Variants in CCDC171 observed in about 807,000 individuals in gnomAD.
CCDC171 encodes coiled-coil domain containing 171.
CCDC171 carries 177 observed loss-of-function variants against 168.2 expected under a neutral mutation model. That is an observed-to-expected ratio of 1.05 (90% CI 0.93 to 1.19). The LOEUF (loss-of-function observed/expected upper bound fraction) is 1.19. Ranked by LOEUF, CCDC171 falls within the 50% of genes most tolerant of loss-of-function variation. CCDC171 has a pLI of 0.00. For missense variants in CCDC171, 1,991 were observed against 1,539.0 expected (o/e 1.29, Z -4.91); for synonymous variants, 687 against 540.8 (o/e 1.27, Z -3.75).
intron 4 of CCDC171, among the ~76,000 whole-genome samples, chr9:15,585,940 C>T (rs1210568294): frequency 6.6e-6 from 1 of 152,148 alleles, no homozygotes; most frequent in African/African-American, 2.4e-5. Flanking sequence ...CGTACCACTG[C>T]ACTCTAGCCT....
At chr9:15,948,609 C>CT (rs1232721864) in intron 25 of CCDC171, among the ~76,000 whole-genome samples, 3 of 152,062 alleles carry the variant, frequency 2.0e-5, no homozygotes, top group Admixed American at 2.0e-4. Flanking sequence ...TGTTTTTTGG[C>CT]TGCATAAATG....
intron 7 of CCDC171, among the ~76,000 whole-genome samples, chr9:15,634,246 T>A (rs4741523): frequency 0.41 from 61,758 of 151,852 alleles, 14,351 homozygotes; most frequent in East Asian, 0.76. Context: ...TTTTAACTTT[T>A]AAAAAAATTA....
chr9:15,819,227 C>G (rs2059673599), intron 21 of CCDC171, among the ~76,000 whole-genome samples: 1 of 117,884 alleles, frequency 8.5e-6, no homozygotes, highest in African/African-American at 3.2e-5. Context: ...TGGTACTAGC[C>G]ACTGCCAAAA....
chr9:15,579,036 C>A lies in CCDC171; in HGVS notation c.352+13C>A, dbSNP rs1211540880. 2.5e-6 allele frequency: 4 copies of A among 1,608,314 alleles called. No individual in the cohort carries two copies. The highest frequency in any genetic ancestry group is 3.4e-6 in the Non-Finnish European group (4 of 1,176,248). ...GAAAAACTCTGTGGTAAGACTGTTT[C>A]TATTTCTTCCCAAGTTTAGGGTTGT... On this transcript the variant is annotated intron_variant, in intron 4 of 25. Coordinates refer to ENST00000380701, the MANE Select transcript of CCDC171 (RefSeq NM_173550.4).
chr9:15,650,248 G>A (rs953052141), intron 7 of CCDC171, among the ~76,000 whole-genome samples: 2 of 152,218 alleles, frequency 1.3e-5, no homozygotes, highest in Non-Finnish European at 1.5e-5. Context: ...GGGGCCTGTC[G>A]TGGGGTGGAG....
intron 21 of CCDC171, among the ~76,000 whole-genome samples, chr9:15,833,554 ATACTT>A (rs2060323095): frequency 6.6e-6 from 1 of 152,214 alleles, no homozygotes; most frequent in Non-Finnish European, 1.5e-5. Context: ...ATATGCCAAA[ATACTT>A]TATTAATACA....
rs546964039 is a variant in CCDC171 at position 15,859,391 on chromosome 9, G to C, written c.3468+10444G>C. 2.0e-5 allele frequency among the ~76,000 whole-genome samples: 3 copies of C among 151,812 alleles called. No homozygotes were observed. In the East Asian group the frequency reaches 5.8e-4, roughly 29 times the overall value. On this transcript the variant is annotated intron_variant, in intron 23 of 25. Coordinates refer to ENST00000380701, the MANE Select transcript of CCDC171 (RefSeq NM_173550.4). ...TGTCTGGCTTTGGTATCAGGAAGAT[G>C]CTGGTCTCATAAAATATATTTCGAA... is the stretch of plus-strand genomic sequence containing the variant.
At position 15,972,374 on chromosome 9, in the gene CCDC171, C is replaced by T. The variant is rs1424097120; in HGVS notation, c.*538C>T. The T allele has an allele frequency of 1.3e-5, 2 of 154,716 alleles. No homozygotes were observed. The highest frequency in any genetic ancestry group is 6.5e-5 in the Admixed American group (1 of 15,490). 9.6% of individuals were successfully genotyped at this position (154,716 alleles called of 1,614,324 possible). On this transcript the variant is annotated 3_prime_UTR_variant, in exon 26 of 26. Coordinates refer to ENST00000380701, the MANE Select transcript of CCDC171 (RefSeq NM_173550.4). Reference sequence around the variant, plus strand: ...AAACAGAAATGATGTGACTGCTTCTCCTCCTGCACAATAATGTCACTCCTG... The same window carrying T: ...AAACAGAAATGATGTGACTGCTTCTTCTCCTGCACAATAATGTCACTCCTG...
At chr9:15,922,184 TC>T in intron 25 of CCDC171, 1 of 402,438 alleles carries the variant, frequency 2.5e-6, no homozygotes, top group Non-Finnish European at 5.2e-6. Flanking sequence ...TGCGAAACAT[TC>T]CCCCAGGTGA....
chr9:16,040,299 C>A (rs1225706639), upstream of CCDC171, among the ~76,000 whole-genome samples: 1 of 152,210 alleles, frequency 6.6e-6, no homozygotes, highest in East Asian at 1.9e-4. Context: ...CCCTCCCACA[C>A]CTCCCCAGTG....
At chr9:15,825,386 A>T (rs1451803493) in intron 21 of CCDC171, among the ~76,000 whole-genome samples, 3 of 152,196 alleles carry the variant, frequency 2.0e-5, no homozygotes, top group Admixed American at 6.6e-5. Context: ...ATCCTGAGTC[A>T]TCCTAATAAT....
At chr9:15,979,829 A>C (rs371587049) in intron 3 of CCDC171, among the ~76,000 whole-genome samples, 2 of 151,484 alleles carry the variant, frequency 1.3e-5, no homozygotes, top group Non-Finnish European at 2.9e-5. Flanking sequence ...CTTCTCTTCT[A>C]TTTTTTTAAA....
intron 11 of CCDC171, among the ~76,000 whole-genome samples, chr9:15,719,232 C>G (rs186859003): frequency 2.2e-4 from 33 of 151,736 alleles, no homozygotes; most frequent in African/African-American, 7.5e-4. Flanking sequence ...ATTGATTAAG[C>G]AAAAGAAAGA....
chr9:15,591,385 A>C lies in CCDC171; in HGVS notation c.372A>C (p.Gln124His), dbSNP rs754048530. 2.5e-6 allele frequency: 4 copies of C among 1,602,146 alleles called. No individual in the cohort carries two copies. Residue 124 changes from glutamine (Q) to histidine (H), a missense_variant, in exon 5 of 26, where the codon CAA becomes CAC. By Grantham distance (24) the Gln-to-His change is conservative. Coordinates refer to ENST00000380701, the MANE Select transcript of CCDC171 (RefSeq NM_173550.4). The part of the protein sequence containing the change: ...EKLCAQNSEL[Q>H]AKTNETEKAF... ...TAATAGCACAGAATTCAGAACTTCA[A>C]GCAAAGACAAATGAGACTGAGAAAG... is the stretch of plus-strand genomic sequence containing the variant.
At position 15,945,589 on chromosome 9, in the gene CCDC171, A is replaced by G. The variant is rs200677874; in HGVS notation, c.3753+25167A>G. Among the ~76,000 whole-genome samples, 11 of 126,540 alleles carry G rather than the reference A, an allele frequency of 8.7e-5. No homozygotes were observed. In the East Asian group the frequency reaches 3.2e-3, roughly 37 times the overall value. 83.0% of individuals were successfully genotyped at this position (126,540 alleles called of 152,430 possible). ...TTGCCATTCTAACTGGTGTGAGATG[A>G]TATCTCACTGTGGTTTTGATTTGCA... On this transcript the variant is annotated intron_variant, in intron 25 of 25. Coordinates refer to ENST00000380701, the MANE Select transcript of CCDC171 (RefSeq NM_173550.4).
chr9:15,627,598 GT>G (rs1260124943), intron 7 of CCDC171, among the ~76,000 whole-genome samples: 3 of 152,160 alleles, frequency 2.0e-5, no homozygotes, highest in Admixed American at 6.5e-5. Flanking sequence ...TCAGGAGCAG[GT>G]TGTTCAGTTT....
chr9:15,975,747 A>T (rs1831601274), downstream of CCDC171, among the ~76,000 whole-genome samples: 1 of 152,222 alleles, frequency 6.6e-6, no homozygotes, highest in Admixed American at 6.5e-5. Context: ...ATAAAGATTT[A>T]AAAATATATT....
chr9:15,774,018 G>C (rs2057158846), intron 18 of CCDC171, among the ~76,000 whole-genome samples: 1 of 152,040 alleles, frequency 6.6e-6, no homozygotes. Flanking sequence ...GGCTGAGGTG[G>C]GTGGATCACT....
intron 3 of CCDC171, among the ~76,000 whole-genome samples, chr9:15,984,904 A>G (rs1831935887): frequency 6.6e-6 from 1 of 152,116 alleles, no homozygotes; most frequent in African/African-American, 2.4e-5. Context: ...ACATTTCAGA[A>G]CCCAGTCTAT....
Sources: allele counts gnomAD v4.1 joint callset (sites outside exome capture counted in the v4.1 genomes callset), GRCh38; gene constraint gnomAD v4.1.1; transcripts MANE v1.5; gene names NCBI Gene and HGNC (gene_info 2026-07-23, HGNC 2026-07-21).